The following PPP4R2 variants were observed in gnomAD, a reference collection of about 807,000 sequenced individuals.
PPP4R2 encodes protein phosphatase 4 regulatory subunit 2.
PPP4R2 carries 13 observed loss-of-function variants against 47.2 expected under a neutral mutation model. That is an observed-to-expected ratio of 0.28 (90% CI 0.18 to 0.44). The LOEUF is 0.44. Ranked by LOEUF, PPP4R2 falls within the 20% of genes least tolerant of loss-of-function variation. The pLI, the probability that PPP4R2 is intolerant of heterozygous loss-of-function variation, is 1.00. For missense variants in PPP4R2, 421 were observed against 491.2 expected, an observed-to-expected ratio of 0.86 and a Z score of 1.35; for synonymous variants, 151 against 163.3, an observed-to-expected ratio of 0.92 and a Z score of 0.57.
intron 3 of PPP4R2, among the ~76,000 whole-genome samples, chr3:73,049,498 CA>C (rs1055156906): frequency 2.0e-5 from 3 of 147,674 alleles, no homozygotes; most frequent in East Asian, 2.0e-4. Context: ...GACTCCATCT[CA>C]AAAAAAAAGA....
intron 3 of PPP4R2, among the ~76,000 whole-genome samples, chr3:73,051,720 G>A (rs935594082): frequency 1.1e-4 from 16 of 152,110 alleles, no homozygotes; most frequent in Non-Finnish European, 1.3e-4. Flanking sequence ...CCGCCTCCCG[G>A]GTTCATGCCA....
Position 73,065,599 on chromosome 3 carries a change from C to T in PPP4R2, c.1131C>T (p.Cys377=). The T allele has an allele frequency of 6.2e-7, 1 of 1,613,042 alleles. No homozygotes were observed. Among genetic ancestry groups the T allele is most frequent in the Non-Finnish European group, 8.5e-7 (1 of 1,179,158 alleles). Residue 377 remains cysteine, a synonymous_variant, in exon 9 of 9, where the codon TGC becomes TGT. Coordinates refer to ENST00000356692, the MANE Select transcript of PPP4R2 (RefSeq NM_174907.4). The part of the protein sequence containing the change: ...EGPVSSSSSD[C]RETEELVGSN... ...CTGTAAGTAGTAGTTCTTCTGACTG[C>T]CGTGAAACAGAAGAATTAGTAGGAT...
intron 2 of PPP4R2, among the ~76,000 whole-genome samples, chr3:73,008,454 A>G (rs1016594724): frequency 6.6e-6 from 1 of 152,202 alleles, no homozygotes; most frequent in African/African-American, 2.4e-5. Context: ...TCGGGTGCCC[A>G]AATAAGCTCA....
chr3:73,027,659 G>GGGGT (rs139804963), intron 2 of PPP4R2: 1 of 149,644 alleles, frequency 6.7e-6, no homozygotes, highest in Non-Finnish European at 1.5e-5. Flanking sequence ...GTACTTGTGA[G>GGGGT]GTGTGTGTGT....
intron 2 of PPP4R2, among the ~76,000 whole-genome samples, chr3:73,025,458 A>G (rs1205553332): frequency 1.3e-5 from 2 of 152,186 alleles, no homozygotes; most frequent in East Asian, 1.9e-4. Context: ...GCCTAGTATC[A>G]TGGAACCTCA....
At position 73,026,966 on chromosome 3, in the gene PPP4R2, T is replaced by C. The variant is rs569693441; in HGVS notation, c.117-20220T>C. 6.5e-4 allele frequency among the ~76,000 whole-genome samples: 99 copies of C among 152,332 alleles called. 1 individual carries two copies. The highest frequency in any genetic ancestry group is 3.3e-3 in the South Asian group (16 of 4,832). ...TTATTTAACCTGTTTCGAAGTTGTC[T>C]TATTGATAATAAAATGCGGAGAGTA... On this transcript the variant is annotated intron_variant, in intron 2 of 8. Coordinates refer to ENST00000356692, the MANE Select transcript of PPP4R2 (RefSeq NM_174907.4).
At chr3:73,063,461 T>C (rs1238055517) in intron 5 of PPP4R2, 2 of 437,986 alleles carry the variant, frequency 4.6e-6, no homozygotes, top group East Asian at 9.3e-5. Flanking sequence ...CCGTCTCTAC[T>C]AAAAATAAAA....
intron 2 of PPP4R2, among the ~76,000 whole-genome samples, chr3:73,029,285 A>C (rs1214544928): frequency 1.3e-5 from 2 of 152,246 alleles, no homozygotes; most frequent in Non-Finnish European, 2.9e-5. Flanking sequence ...ATCAGACTTA[A>C]GCATTAAAAG....
rs543000017 is a variant in PPP4R2 at position 73,015,777 on chromosome 3, A to G, written c.116+17619A>G. On this transcript the variant is annotated intron_variant, in intron 2 of 8. Transcript: ENST00000356692. ...CTTATCCTCCTGAGTAGCTGGGACT[A>G]CAGGCTCCCGCCACCATGCCCGATT... 9.0e-3 allele frequency: 3,990 copies of G among 442,400 alleles called. 89 individuals carry two copies. The highest frequency in any genetic ancestry group is 0.039 in the South Asian group (2,511 of 63,802). 27.4% of individuals were successfully genotyped at this position (442,400 alleles called of 1,614,324 possible).
chr3:73,042,242 G>A lies in PPP4R2; in HGVS notation c.117-4944G>A, dbSNP rs147715901. Among the ~76,000 whole-genome samples, 784 of 152,006 alleles carry A rather than the reference G, an allele frequency of 5.2e-3. 7 individuals carry two copies. The highest frequency in any genetic ancestry group is 0.018 in the African/African-American group (755 of 41,470). ...ATTTGATTTTCATATTGAAAGCCAA[G>A]GGTTTTTTTGTTCTCATTTCTACTC... On this transcript the variant is annotated intron_variant, in intron 2 of 8. Transcript: ENST00000356692.
At chr3:73,038,314 A>G (rs1306693132) in intron 2 of PPP4R2, among the ~76,000 whole-genome samples, 3 of 152,192 alleles carry the variant, frequency 2.0e-5, no homozygotes, top group African/African-American at 7.2e-5. Context: ...CAGCACTGAC[A>G]TAGAAGGGAG....
chr3:73,065,399 T>G lies in PPP4R2; in HGVS notation c.931T>G (p.Ser311Ala), dbSNP rs147309068. The change falls in exon 9 of 9, where the codon TCT becomes GCT. Residue 311 changes from serine to alanine, a missense_variant and splice_region_variant. Physicochemically the swap from Ser to Ala is moderately conservative, Grantham distance 99. Transcript: ENST00000356692. ...EEEDEEEEEE[S>A]FMTSREMIPE... ...CAACAACATTTGCTTATTTTTAGAG[T>G]CTTTTATGACATCAAGAGAAATGAT... 7.8e-5 allele frequency: 123 copies of G among 1,580,822 alleles called. No individual in the cohort carries two copies. The African/African-American group carries it at 1.6e-3, about 20-fold the overall frequency.
intron 2 of PPP4R2, among the ~76,000 whole-genome samples, chr3:73,004,689 C>T (rs1445028775): frequency 5.3e-5 from 8 of 152,100 alleles, no homozygotes; most frequent in Admixed American, 5.2e-4. Context: ...AAGTGATCTG[C>T]CCACTTTGTT....
chr3:73,042,642 C>A (rs1035921869), intron 2 of PPP4R2, among the ~76,000 whole-genome samples: 1 of 151,928 alleles, frequency 6.6e-6, no homozygotes, highest in South Asian at 2.1e-4. Context: ...GGATTACATC[C>A]GTGAGCCACC....
chr3:73,041,118 G>A (rs1702370465), intron 2 of PPP4R2, among the ~76,000 whole-genome samples: 1 of 152,100 alleles, frequency 6.6e-6, no homozygotes, highest in Non-Finnish European at 1.5e-5. Context: ...TTTTGGAGTA[G>A]TCTCAATATT....
rs55652308 is a variant in PPP4R2 at position 73,010,183 on chromosome 3, G to T, written c.116+12025G>T. On this transcript the variant is annotated intron_variant, in intron 2 of 8. Transcript: ENST00000356692. ...TGTGGCATGGAAGTAGGGCTTTTTC[G>T]TTATCAGTTAACCACTTAACGCAAA... 6.7e-3 allele frequency among the ~76,000 whole-genome samples: 1,021 copies of T among 152,186 alleles called. 10 individuals carry two copies. The highest frequency in any genetic ancestry group is 0.023 in the African/African-American group (957 of 41,524).
intron 2 of PPP4R2, among the ~76,000 whole-genome samples, chr3:73,044,085 T>C (rs1335695778): frequency 6.6e-6 from 1 of 152,194 alleles, no homozygotes; most frequent in Non-Finnish European, 1.5e-5. Context: ...CTGGATAATA[T>C]TCGTGTGTGT....
chr3:73,026,630 G>A (rs1238258239), intron 2 of PPP4R2, among the ~76,000 whole-genome samples: 1 of 152,102 alleles, frequency 6.6e-6, no homozygotes, highest in African/African-American at 2.4e-5. Context: ...GCTGCATGCA[G>A]CCCAGGGCAG....
intron 2 of PPP4R2, among the ~76,000 whole-genome samples, chr3:73,015,281 G>C (rs1701802167): frequency 6.6e-6 from 1 of 151,902 alleles, no homozygotes; most frequent in Non-Finnish European, 1.5e-5. Context: ...CCTGGTTCAA[G>C]CAGTTCTCCT....
Sources: allele counts gnomAD v4.1 joint callset (sites outside exome capture counted in the v4.1 genomes callset), GRCh38; gene constraint gnomAD v4.1.1; transcripts MANE v1.5; gene names NCBI Gene and HGNC (gene_info 2026-07-23, HGNC 2026-07-21).